The following FGD5 variants were observed in gnomAD, a reference collection of about 807,000 sequenced individuals.
The protein encoded by FGD5 is FYVE, RhoGEF and PH domain containing 5, also known as FYVE, RhoGEF and PH domain-containing protein 5.
Under a neutral mutation model 133.4 loss-of-function variants are expected in FGD5, and 28 were observed. The ratio of observed to expected loss-of-function variants is 0.21; its 90% CI spans 0.16 to 0.29. The LOEUF (loss-of-function observed/expected upper bound fraction) is 0.29, where lower values mean the gene tolerates loss of function less well. Among genes scored for constraint, FGD5 ranks in the 10% least tolerant of loss-of-function variants. FGD5 has a pLI of 1.00. For missense variants in FGD5, 1,858 were observed against 1,895.2 expected (o/e 0.98, Z 0.36); for synonymous variants, 810 against 776.5 (o/e 1.04, Z -0.72).
intron 11 of FGD5, among the ~76,000 whole-genome samples, chr3:14,912,000 G>A (rs1007343486): frequency 6.6e-6 from 1 of 151,992 alleles, no homozygotes; most frequent in Non-Finnish European, 1.5e-5. Flanking sequence ...TTCAGGAGAG[G>A]TAAGGGCCTA....
intron 1 of FGD5, among the ~76,000 whole-genome samples, chr3:14,844,217 A>AAAAAAAAAAATAT (rs1559477363): frequency 4.9e-5 from 1 of 20,384 alleles, no homozygotes; most frequent in Non-Finnish European, 8.5e-5. Flanking sequence ...AAAAAAAAAA[A>AAAAAAAAAAATAT]ATATATATAT....
In FGD5 at chr3:14,819,996, G is replaced by A. The variant is rs369304107; in HGVS notation, c.925G>A (p.Ala309Thr). 2.5e-6 allele frequency: 4 copies of A among 1,613,824 alleles called. No individual in the cohort carries two copies. The African/African-American group carries it at 4.0e-5, about 16-fold the overall frequency. ...GAAGAAAACCAACCAAGAAGTGGCA[G>A]CCGCCACCCTGGAGGACCATGCACA... ...HEKKTNQEVA[A>T]ATLEDHAQDE... The change falls in exon 1 of 20, where the codon GCC (alanine) becomes ACC (threonine). Residue 309 changes from alanine to threonine, a missense_variant. This residue lies in a region of FGD5 where 1,824 missense variants were observed against 1,848.9 expected (regional missense o/e 0.99). Transcript: ENST00000285046. This position sits in a 1 kb window ranked among gnomAD's most constrained non-coding sequence, Gnocchi z 4.1.
upstream of FGD5, among the ~76,000 whole-genome samples, chr3:14,814,327 A>G (rs1042230986): frequency 3.9e-5 from 6 of 152,178 alleles, no homozygotes; most frequent in East Asian, 3.8e-4. Context: ...GGAATGCTCT[A>G]TCCAGGTGGA....
chr3:14,919,184 T>C (rs1042158937), intron 13 of FGD5, among the ~76,000 whole-genome samples: 4 of 152,108 alleles, frequency 2.6e-5, no homozygotes, highest in African/African-American at 4.8e-5. Flanking sequence ...CAGTAAAAAA[T>C]GTATTGTGTG....
At chr3:14,845,136 G>A (rs796643757) in intron 1 of FGD5, among the ~76,000 whole-genome samples, 2 of 151,968 alleles carry the variant, frequency 1.3e-5, no homozygotes, top group South Asian at 4.1e-4. Context: ...TCTGTCACCT[G>A]TACATGCTAA....
rs763828436 is a variant in FGD5, at chr3:14,820,879, C to T, written c.1808C>T (p.Ser603Phe). 15 of 1,613,586 alleles carry T rather than the reference C, an allele frequency of 9.3e-6. 1 individual carries two copies. In the South Asian group the frequency reaches 1.5e-4, roughly 17 times the overall value. Residue 603 changes from serine (S) to phenylalanine (F), a missense_variant, in exon 1 of 20, where the codon TCC becomes TTC. Physicochemically the swap from Ser to Phe is radical, Grantham distance 155 (BLOSUM62 -2). Coordinates refer to ENST00000285046, the MANE Select transcript of FGD5 (RefSeq NM_152536.4). ...GSFSQRNHLP[S>F]SGTSTPSSMV... ...TTCTCCCAGAGAAACCACCTTCCGT[C>T]CAGCGGCACCTCCACGCCTTCTTCC...
intron 4 of FGD5, among the ~76,000 whole-genome samples, chr3:14,881,586 A>G (rs751152914): frequency 6.6e-6 from 1 of 152,108 alleles, no homozygotes; most frequent in Non-Finnish European, 1.5e-5. Context: ...GAAGTAGGGA[A>G]CCATGGCAGT....
At chr3:14,894,056 C>A (rs1311859899) in intron 4 of FGD5, among the ~76,000 whole-genome samples, 2 of 152,132 alleles carry the variant, frequency 1.3e-5, no homozygotes, top group African/African-American at 4.8e-5. Flanking sequence ...CTGTGGCCGG[C>A]CTTGTTTCTT....
At chr3:14,824,106 A>G (rs950454604) in intron 1 of FGD5, among the ~76,000 whole-genome samples, 1 of 152,240 alleles carries the variant, frequency 6.6e-6, no homozygotes, top group African/African-American at 2.4e-5. Flanking sequence ...GGCCAGACTG[A>G]CTGGAATAAA....
At chr3:14,878,810 C>T (rs2037771263) in intron 2 of FGD5, among the ~76,000 whole-genome samples, 1 of 151,136 alleles carries the variant, frequency 6.6e-6, no homozygotes, top group Non-Finnish European at 1.5e-5. Flanking sequence ...ACTACAACCT[C>T]CGCCTCCTGC....
At chr3:14,844,217 A>ATATAT (rs1250952913) in intron 1 of FGD5, among the ~76,000 whole-genome samples, 2 of 20,360 alleles carry the variant, frequency 9.8e-5, no homozygotes, top group African/African-American at 2.1e-4. Context: ...AAAAAAAAAA[A>ATATAT]ATATATATAT....
intron 1 of FGD5, among the ~76,000 whole-genome samples, chr3:14,836,741 G>C (rs1354834344): frequency 1.3e-5 from 2 of 152,120 alleles, no homozygotes; most frequent in African/African-American, 4.8e-5. Context: ...GGAGAGAGAT[G>C]GGAGAGGCAG....
At chr3:14,901,738 AT>A (rs2038243188) in intron 9 of FGD5, among the ~76,000 whole-genome samples, 1 of 152,202 alleles carries the variant, frequency 6.6e-6, no homozygotes, top group Admixed American at 6.5e-5. Context: ...AGGAGGTGCT[AT>A]ACTTTGCTGT....
chr3:14,830,774 C>G (rs2036691828), intron 1 of FGD5, among the ~76,000 whole-genome samples: 2 of 152,008 alleles, frequency 1.3e-5, no homozygotes, highest in Non-Finnish European at 2.9e-5. Context: ...AGCATGCAGC[C>G]AAAGAGGAGA....
chr3:14,923,585 G>A (rs1449905608), intron 16 of FGD5, among the ~76,000 whole-genome samples: 1 of 152,206 alleles, frequency 6.6e-6, no homozygotes, highest in Admixed American at 6.5e-5. Flanking sequence ...CCACACAGGA[G>A]CCTTGGGAAG....
chr3:14,870,914 A>G (rs1365683727), intron 2 of FGD5, among the ~76,000 whole-genome samples: 11 of 152,212 alleles, frequency 7.2e-5, no homozygotes, highest in Admixed American at 7.2e-4. Context: ...TCTTATTGCC[A>G]TGTCTTAATC....
At position 14,819,849 on chromosome 3, in the gene FGD5, G is replaced by A; in HGVS notation, c.778G>A (p.Ala260Thr). 6.2e-7 allele frequency: 1 copy of A among 1,611,360 alleles called. No individual in the cohort carries two copies. The highest frequency in any genetic ancestry group is 1.3e-5 in the African/African-American group (1 of 74,998). ...GGAGCCCCCTGAGAAGGAGGAGCTG[G>A]CCGGGGTCCAGGAGGCAGAGACAGC... ...SEEPPEKEEL[A>T]GVQEAETATD... is the part of the protein sequence containing the mutation. The change falls in exon 1 of 20, where the codon GCC becomes ACC. Residue 260 changes from alanine (A) to threonine (T), a missense_variant. This residue lies in a region of FGD5 where 1,824 missense variants were observed against 1,848.9 expected (regional missense o/e 0.99). Coordinates refer to ENST00000285046, the MANE Select transcript of FGD5 (RefSeq NM_152536.4). This position sits in a 1 kb window ranked among gnomAD's most constrained non-coding sequence, Gnocchi z 4.1.
In FGD5 at chr3:14,880,602, G is replaced by A. The variant is rs746373403; in HGVS notation, c.2689G>A (p.Ala897Thr). Residue 897 changes from alanine (A) to threonine (T), a missense_variant, in exon 3 of 20, where the codon GCA becomes ACA. Ala to Thr is a moderately conservative substitution (Grantham distance 58). Transcript: ENST00000285046. ...VEGQSRALVI[A>T]QELLSSEKAY... ...AGGACAGTCCAGAGCCCTTGTCATC[G>A]CACAGGAACTGCTATCTTCAGAGAA... is the stretch of plus-strand genomic sequence containing the variant. The A allele has an allele frequency of 3.8e-5, 61 of 1,613,774 alleles. No homozygotes were observed. Among genetic ancestry groups the A allele is most frequent in the Admixed American group, 2.3e-4 (14 of 59,994 alleles).
In FGD5 at chr3:14,918,803, C is replaced by T. The variant is rs772803469; in HGVS notation, c.3539C>T (p.Thr1180Ile). Residue 1180 changes from threonine (T) to isoleucine (I), a missense_variant, in exon 13 of 20, where the codon ACT becomes ATT. Physicochemically the swap from Thr to Ile is moderately conservative, Grantham distance 89 (BLOSUM62 -1). Transcript: ENST00000285046. ...GTGCCCTACGCTCTAAAGATTGAGA[C>T]TTCCGAGTCCTGCCTGATGCTGTCT... The part of the protein sequence containing the change: ...EKVPYALKIE[T>I]SESCLMLSAS... 6.2e-7 allele frequency: 1 copy of T among 1,614,016 alleles called. No homozygotes were observed. The highest frequency in any genetic ancestry group is 1.7e-5 in the Admixed American group (1 of 60,020).
Sources: allele counts gnomAD v4.1 joint callset (sites outside exome capture counted in the v4.1 genomes callset), GRCh38; gene constraint gnomAD v4.1.1; regional missense constraint gnomAD v4.1.1; non-coding constraint Gnocchi (gnomAD v3.1); transcripts MANE v1.5; gene names NCBI Gene and HGNC (gene_info 2026-07-23, HGNC 2026-07-21).